VWA5B1: variants seen among roughly 807,000 people sequenced by gnomAD.
VWA5B1 encodes von Willebrand factor A domain-containing protein 5B1.
Under a neutral mutation model 118.2 loss-of-function variants are expected in VWA5B1, and 115 were observed. The ratio of observed to expected loss-of-function variants is 0.97; its 90% confidence interval spans 0.84 to 1.14. The LOEUF (loss-of-function observed/expected upper bound fraction) is 1.14. Ranked by LOEUF, VWA5B1 falls within the 50% of genes most tolerant of loss-of-function variation. VWA5B1 has a pLI of 0.00. For missense variants in VWA5B1, 1,596 were observed against 1,603.8 expected, an observed-to-expected ratio of 1.00 and a Z score of 0.08; for synonymous variants, 682 against 658.4, an observed-to-expected ratio of 1.04 and a Z score of -0.55.
chr1:20,327,293 A>G (rs2100911789), intron 8 of VWA5B1, among the ~76,000 whole-genome samples: 1 of 152,206 alleles, frequency 6.6e-6, no homozygotes, highest in Non-Finnish European at 1.5e-5. Flanking sequence ...ACCTGCCTCG[A>G]AGGGTTATGG....
chr1:20,319,095 G>A (rs979673251), intron 6 of VWA5B1, among the ~76,000 whole-genome samples: 1 of 152,164 alleles, frequency 6.6e-6, no homozygotes, highest in African/African-American at 2.4e-5. Flanking sequence ...AGAATGTCAG[G>A]ACCTAAACAC....
rs1013310180 is a variant in VWA5B1 at position 20,357,752 on chromosome 1, C to T, written c.*3489C>T. Reference sequence around the variant, plus strand: ...CTTCACTGGCCCTAGAATGGTCCTGCCATCTGTGGGTGTGGCCTCGTATTA... The same window carrying T: ...CTTCACTGGCCCTAGAATGGTCCTGTCATCTGTGGGTGTGGCCTCGTATTA... On this transcript the variant is annotated 3_prime_UTR_variant, in exon 22 of 22. Coordinates refer to ENST00000289815, the MANE Select transcript of VWA5B1 (RefSeq NM_001039500.3). 3.9e-5 allele frequency among the ~76,000 whole-genome samples: 6 copies of T among 152,204 alleles called. No homozygotes were observed. Among genetic ancestry groups the T allele is most frequent in the African/African-American group, 1.4e-4 (6 of 41,452 alleles).
chr1:20,315,129 G>C (rs1179341775), intron 4 of VWA5B1, among the ~76,000 whole-genome samples: 1 of 152,230 alleles, frequency 6.6e-6, no homozygotes, highest in African/African-American at 2.4e-5. Flanking sequence ...GCTGGACCAG[G>C]CTTCTCCGAG....
chr1:20,354,006 G>A lies in VWA5B1; in HGVS notation c.3391G>A (p.Ala1131Thr), dbSNP rs903715291. The A allele has an allele frequency of 3.2e-6, 5 of 1,551,612 alleles. No homozygotes were observed. In the African/African-American group the frequency reaches 6.8e-5, roughly 21 times the overall value. ...AKGKLGLEPR[A>T]VVEHTGKLWA... ...GGGCAAGCTGGGCCTGGAGCCGAGG[G>A]CAGTGGTGGAGCACACTGGGAAGCT... Residue 1131 changes from alanine (A) to threonine (T), a missense_variant, in exon 22 of 22, where the codon GCA becomes ACA. Ala to Thr is a moderately conservative substitution (Grantham distance 58). Coordinates refer to ENST00000289815, the MANE Select transcript of VWA5B1 (RefSeq NM_001039500.3).
In VWA5B1 at chr1:20,343,453, A is replaced by G; in HGVS notation, c.2626+60A>G. On this transcript the variant is annotated intron_variant, in intron 16 of 21. Transcript: ENST00000289815. ...GGCCTCCGGAGGACAGCCCCGCTCC[A>G]CAGCCGCTCCCCCTTCCCCACCCGC... The G allele has an allele frequency of 6.2e-6, 9 of 1,451,112 alleles. No individual in the cohort carries two copies. The South Asian group carries it at 1.3e-4, about 20-fold the overall frequency. 89.9% of individuals were successfully genotyped at this position (1,451,112 alleles called of 1,614,324 possible). A position where few individuals can be genotyped will look rare whatever the true frequency, so the allele number is the denominator to read the frequency against.
At chr1:20,344,490 G>T (rs570333302) in intron 16 of VWA5B1, among the ~76,000 whole-genome samples, 2 of 152,346 alleles carry the variant, frequency 1.3e-5, no homozygotes, top group African/African-American at 4.8e-5. Context: ...TAGCAGGGAA[G>T]CCAGCATTAA....
Position 20,357,467 on chromosome 1 carries a change from A to C in VWA5B1, c.*3204A>C, listed in dbSNP as rs1433956739. Among the ~76,000 whole-genome samples the C allele has an allele frequency of 1.3e-5, 2 of 152,220 alleles. No homozygotes were observed. The highest frequency in any genetic ancestry group is 2.4e-5 in the African/African-American group (1 of 41,448). On this transcript the variant is annotated 3_prime_UTR_variant, in exon 22 of 22. Coordinates refer to ENST00000289815, the MANE Select transcript of VWA5B1 (RefSeq NM_001039500.3). ...TGTTACTGTGCGTTGTCAGGCTCCG[A>C]GCAGGTGACCCAGCAGCAGCTCTTC...
At chr1:20,351,600 C>T (rs752305897) in intron 20 of VWA5B1, among the ~76,000 whole-genome samples, 1 of 151,998 alleles carries the variant, frequency 6.6e-6, no homozygotes, top group Non-Finnish European at 1.5e-5. Context: ...TGCAGTGAAC[C>T]GAGATTGCTC....
chr1:20,333,803 A>G (rs561511185), intron 12 of VWA5B1, among the ~76,000 whole-genome samples: 1 of 152,302 alleles, frequency 6.6e-6, no homozygotes, highest in Admixed American at 6.5e-5. Context: ...CTGTTTCCTC[A>G]CCTATCTTTC....
Position 20,296,654 on chromosome 1 carries a change from T to C in VWA5B1, c.-27+5566T>C, listed in dbSNP as rs373600084. On this transcript the variant is annotated intron_variant, in intron 1 of 21. Coordinates refer to ENST00000289815, the MANE Select transcript of VWA5B1 (RefSeq NM_001039500.3). ...CAATATTTGATTTGTCCTTTGAGGA[T>C]TGAAAGTTTTGGCACATGGTTGTAA... 3.9e-4 allele frequency among the ~76,000 whole-genome samples: 60 copies of C among 152,378 alleles called. 2 individuals carry two copies. The South Asian group carries it at 0.011, about 28-fold the overall frequency.
intron 7 of VWA5B1, among the ~76,000 whole-genome samples, 151 bp downstream of exon 7, chr1:20,319,657 G>A (rs911468494): frequency 4.6e-5 from 7 of 152,188 alleles, no homozygotes. Context: ...GTTTCCTTCT[G>A]TGGGCCCCCG....
Position 20,314,351 on chromosome 1 carries a change from G to T in VWA5B1, c.322G>T (p.Ala108Ser). ...CATTCTGCAAGACGGGGTTTCCATA[G>T]CCCCTCATTCCTGCACACCGGGAAA... The part of the protein sequence containing the change: ...GNILQDGVSI[A>S]PHSCTPGKVT... Residue 108 changes from alanine (A) to serine (S), a missense_variant, in exon 4 of 22, where the codon GCC becomes TCC. Ala to Ser is a moderately conservative substitution (Grantham distance 99, BLOSUM62 1). Transcript: ENST00000289815. The T allele has an allele frequency of 6.4e-7, 1 of 1,551,926 alleles. No individual in the cohort carries two copies. Among genetic ancestry groups the T allele is most frequent in the Non-Finnish European group, 8.7e-7 (1 of 1,147,032 alleles).
Position 20,355,013 on chromosome 1 carries a change from T to C in VWA5B1, c.*750T>C, listed in dbSNP as rs1408429995. The C allele has an allele frequency of 1.3e-5, 2 of 152,186 alleles. No homozygotes were observed. The highest frequency in any genetic ancestry group is 3.9e-4 in the East Asian group (2 of 5,186). The allele number at this position is 152,186 out of a possible 1,614,324, so 9.4% of individuals were successfully genotyped here. ...ACACCTTGTGAGTTGACGTGTTAGA[T>C]TTAAGCAGCAGTCTGTGCAAAAATA... is the stretch of plus-strand genomic sequence containing the variant. On this transcript the variant is annotated 3_prime_UTR_variant, in exon 22 of 22. Coordinates refer to ENST00000289815, the MANE Select transcript of VWA5B1 (RefSeq NM_001039500.3).
intron 4 of VWA5B1, among the ~76,000 whole-genome samples, chr1:20,316,373 C>T (rs796651627): frequency 1.3e-5 from 2 of 152,088 alleles, no homozygotes; most frequent in South Asian, 4.2e-4. Context: ...ATGGATGCCC[C>T]CAAGTGACAT....
chr1:20,338,014 A>G, intron 14 of VWA5B1, 178 bp downstream of exon 14: 1 of 800,066 alleles, frequency 1.2e-6, no homozygotes, highest in Middle Eastern at 2.2e-4. Context: ...CTTCCAAATC[A>G]GGACACCCAC....
At position 20,314,341 on chromosome 1, in the gene VWA5B1, G is replaced by T. The variant is rs1457955589; in HGVS notation, c.312G>T (p.Gly104=). 1 of 1,551,866 alleles carries T rather than the reference G, an allele frequency of 6.4e-7. No homozygotes were observed. The highest frequency in any genetic ancestry group is 2.0e-5 in the Admixed American group (1 of 51,006). Residue 104 remains glycine, a synonymous_variant, in exon 4 of 22, where the codon GGG becomes GGT. Coordinates refer to ENST00000289815, the MANE Select transcript of VWA5B1 (RefSeq NM_001039500.3). ...PTVTGNILQD[G]VSIAPHSCTP... Reference sequence around the variant, plus strand: ...ACTTAGGGAACATTCTGCAAGACGGGGTTTCCATAGCCCCTCATTCCTGCA... The same window carrying T: ...ACTTAGGGAACATTCTGCAAGACGGTGTTTCCATAGCCCCTCATTCCTGCA...
At chr1:20,319,679 G>A (rs1385723040) in intron 7 of VWA5B1, among the ~76,000 whole-genome samples, 173 bp downstream of exon 7, 1 of 152,168 alleles carries the variant, frequency 6.6e-6, no homozygotes, top group African/African-American at 2.4e-5. Flanking sequence ...GCACTGCAGG[G>A]CACTTTCAAA....
chr1:20,306,357 G>A (rs927481653), intron 1 of VWA5B1, among the ~76,000 whole-genome samples: 2 of 152,074 alleles, frequency 1.3e-5, no homozygotes, highest in African/African-American at 4.8e-5. Context: ...AGGGACGTGG[G>A]GGCCATCAGG....
At position 20,355,932 on chromosome 1, in the gene VWA5B1, A is replaced by G. The variant is rs1003220539; in HGVS notation, c.*1669A>G. On this transcript the variant is annotated 3_prime_UTR_variant, in exon 22 of 22. Coordinates refer to ENST00000289815, the MANE Select transcript of VWA5B1 (RefSeq NM_001039500.3). ...CTTCAGACTTACCCTCTGGGGAGGA[A>G]CCCAGGCAGGCAGGCCTGGACACTG... Among the ~76,000 whole-genome samples the G allele has an allele frequency of 2.0e-5, 3 of 152,160 alleles. No individual in the cohort carries two copies. Among genetic ancestry groups the G allele is most frequent in the African/African-American group, 7.2e-5 (3 of 41,456 alleles).
Sources: gnomAD v4.1 joint callset for allele counts (sites outside exome capture counted in the v4.1 genomes callset) on GRCh38, gnomAD v4.1.1 for gene constraint, MANE v1.5 for transcripts, NCBI Gene and HGNC (gene_info 2026-07-23, HGNC 2026-07-21) for gene names.